The following KCNIP4 variants were observed in gnomAD, a reference collection of about 807,000 sequenced individuals.
KCNIP4 encodes the protein Kv channel-interacting protein 4.
Under a neutral mutation model 34.0 loss-of-function variants are expected in KCNIP4, and 12 were observed. The observed-to-expected ratio is 0.35, with a 90% confidence interval of 0.23 to 0.57. The LOEUF (loss-of-function observed/expected upper bound fraction) is 0.57, where lower values mean the gene tolerates loss of function less well. Among genes scored for constraint, KCNIP4 ranks in the 20% least tolerant of loss-of-function variants. The pLI is 0.83. For missense variants in KCNIP4, 238 were observed against 311.7 expected (o/e 0.76, Z 1.78); for synonymous variants, 124 against 102.2 (o/e 1.21, Z -1.29).
chr4:21,195,932 T>C (rs1560800027), intron 1 of KCNIP4, among the ~76,000 whole-genome samples: 1 of 152,038 alleles, frequency 6.6e-6, no homozygotes, highest in Non-Finnish European at 1.5e-5. Context: ...GTAAGCATCA[T>C]TCCTGCAAGG....
At chr4:21,942,100 A>G (rs1461305167) in intron 1 of KCNIP4, among the ~76,000 whole-genome samples, 1 of 152,140 alleles carries the variant, frequency 6.6e-6, no homozygotes, top group Non-Finnish European at 1.5e-5. Context: ...CCCTCTCAAT[A>G]CAGCCTGATT....
chr4:20,918,756 T>C (rs997253998), intron 1 of KCNIP4, among the ~76,000 whole-genome samples: 5 of 152,180 alleles, frequency 3.3e-5, no homozygotes, highest in African/African-American at 1.2e-4. Context: ...GGTGGTCTAT[T>C]ACCCAGGAAT....
chr4:21,376,096 T>C (rs574760217), intron 1 of KCNIP4, among the ~76,000 whole-genome samples: 3 of 152,340 alleles, frequency 2.0e-5, no homozygotes, highest in Admixed American at 1.3e-4. Context: ...GTGTTTTCTC[T>C]AAAAGAAAAG....
intron 1 of KCNIP4, among the ~76,000 whole-genome samples, chr4:21,250,852 A>T (rs1224265504): frequency 6.6e-6 from 1 of 150,962 alleles, no homozygotes; most frequent in Non-Finnish European, 1.5e-5. Context: ...TATCAAACAT[A>T]TGTTAAAATA....
At chr4:20,742,548 G>C (rs2149309265) in intron 5 of KCNIP4, among the ~76,000 whole-genome samples, 1 of 152,196 alleles carries the variant, frequency 6.6e-6, no homozygotes, top group African/African-American at 2.4e-5. Context: ...CAATAAACTA[G>C]GTATTAATGG....
intron 1 of KCNIP4, among the ~76,000 whole-genome samples, chr4:21,821,054 A>G (rs969189960): frequency 6.6e-6 from 1 of 152,182 alleles, no homozygotes; most frequent in African/African-American, 2.4e-5. Flanking sequence ...AGGAAAAGAC[A>G]GTTTTAATTT....
intron 1 of KCNIP4, among the ~76,000 whole-genome samples, chr4:21,820,631 G>A (rs1722302177): frequency 1.3e-5 from 2 of 152,028 alleles, no homozygotes; most frequent in African/African-American, 4.8e-5. Context: ...TTAATCAAAT[G>A]TAATTTTAGA....
intron 1 of KCNIP4, among the ~76,000 whole-genome samples, chr4:20,940,857 GC>G (rs1261753629): frequency 6.6e-6 from 1 of 152,128 alleles, no homozygotes; most frequent in African/African-American, 2.4e-5. Context: ...CAGCTGAACC[GC>G]TGCTGTAAGA....
chr4:21,586,830 CA>C (rs1741658195), intron 1 of KCNIP4, among the ~76,000 whole-genome samples: 4 of 152,012 alleles, frequency 2.6e-5, no homozygotes, highest in Non-Finnish European at 5.9e-5. Flanking sequence ...ATGTAATCAT[CA>C]CTTATGTGTG....
intron 3 of KCNIP4, among the ~76,000 whole-genome samples, chr4:20,788,495 A>G (rs903582306): frequency 6.6e-6 from 1 of 152,182 alleles, no homozygotes; most frequent in Non-Finnish European, 1.5e-5. Context: ...CACAGGGCTC[A>G]GGTCCAGAGT....
chr4:21,001,374 C>T (rs10000559), intron 1 of KCNIP4, among the ~76,000 whole-genome samples: 1 of 152,004 alleles, frequency 6.6e-6, no homozygotes, highest in Admixed American at 6.6e-5. Context: ...ACCACAAAAC[C>T]CCTTTAACCT....
Position 21,519,757 on chromosome 4 carries a change from ATGTATGTGTGTATACACACGTGTG to A in KCNIP4, c.61+428790_61+428813del, listed in dbSNP as rs1430342592. Among the ~76,000 whole-genome samples, 25 of 123,990 alleles carry A rather than the reference ATGTATGTGTGTATACACACGTGTG, an allele frequency of 2.0e-4. 1 individual carries two copies. In the South Asian group the frequency reaches 5.8e-3, roughly 29 times the overall value. 81.3% of individuals were successfully genotyped at this position (123,990 alleles called of 152,430 possible). A position where few individuals can be genotyped will look rare whatever the true frequency, so the allele number is the denominator to read the frequency against. ...ATATGTATGATACACACGTGTGTGT[ATGTATGTGTGTATACACACGTGTG>A]TGTATGTGTGTGTATACACGTGTGT... On this transcript the variant is annotated intron_variant, in intron 1 of 8. Transcript: ENST00000382152.
intron 1 of KCNIP4, among the ~76,000 whole-genome samples, chr4:21,432,842 T>G (rs1726611117): frequency 6.6e-6 from 1 of 152,126 alleles, no homozygotes; most frequent in African/African-American, 2.4e-5. Context: ...CCAGGTCAGA[T>G]AGTTGAACCA....
rs180995179 is a variant in KCNIP4 at position 21,452,012 on chromosome 4, C to G, written c.61+496559G>C. ...AAATAAGAATTTCATACTTTGATAGCTAAATCAAATAAGGGTTCTGTTTCT... is the reference window on the plus strand; with the variant it reads ...AAATAAGAATTTCATACTTTGATAGGTAAATCAAATAAGGGTTCTGTTTCT... On this transcript the variant is annotated intron_variant, in intron 1 of 8. Coordinates refer to ENST00000382152, the MANE Select transcript of KCNIP4 (RefSeq NM_025221.6). Among the ~76,000 whole-genome samples, 398 of 152,094 alleles carry G rather than the reference C, an allele frequency of 2.6e-3. 3 individuals are homozygous for G. Among genetic ancestry groups the G allele is most frequent in the African/African-American group, 9.1e-3 (378 of 41,460 alleles).
intron 1 of KCNIP4, among the ~76,000 whole-genome samples, chr4:21,376,342 C>G (rs986863101): frequency 3.3e-5 from 5 of 152,108 alleles, no homozygotes; most frequent in African/African-American, 1.2e-4. Context: ...GGATGGTATG[C>G]AAGTTCTTCC....
At chr4:21,754,322 G>A (rs944220827) in intron 1 of KCNIP4, among the ~76,000 whole-genome samples, 7 of 151,878 alleles carry the variant, frequency 4.6e-5, no homozygotes, top group Non-Finnish European at 8.8e-5. Flanking sequence ...TACCACTACC[G>A]GACCAAGCTT....
At chr4:20,928,058 T>C (rs1488485814) in intron 1 of KCNIP4, among the ~76,000 whole-genome samples, 2 of 152,072 alleles carry the variant, frequency 1.3e-5, no homozygotes, top group East Asian at 1.9e-4. Context: ...GTGTGTGTAA[T>C]TGGACACAAA....
chr4:21,586,488 C>T (rs1741626803), intron 1 of KCNIP4, among the ~76,000 whole-genome samples: 1 of 151,912 alleles, frequency 6.6e-6, no homozygotes, highest in Admixed American at 6.6e-5. Context: ...CGTGTGGGAG[C>T]AGCAGTGAGA....
chr4:21,271,911 A>G (rs1280796470), intron 1 of KCNIP4, among the ~76,000 whole-genome samples: 2 of 152,210 alleles, frequency 1.3e-5, no homozygotes, highest in Non-Finnish European at 1.5e-5. Flanking sequence ...AGGTAAAACT[A>G]TTAGATGCAT....
Sources: gnomAD v4.1 joint callset for allele counts (sites outside exome capture counted in the v4.1 genomes callset) on GRCh38, gnomAD v4.1.1 for gene constraint, MANE v1.5 for transcripts, NCBI Gene and HGNC (gene_info 2026-07-23, HGNC 2026-07-21) for gene names.